NRG3: variants seen among roughly 807,000 people sequenced by gnomAD.
NRG3 encodes neuregulin 3.
Under a neutral mutation model 66.9 loss-of-function variants are expected in NRG3, and 31 were observed. The ratio of observed to expected loss-of-function variants is 0.46; its 90% CI spans 0.35 to 0.63. The LOEUF is 0.63. NRG3 is among the 20% of genes least tolerant of loss of function. The pLI, the probability that NRG3 is intolerant of heterozygous loss-of-function variation, is 0.00. For missense variants in NRG3, 910 were observed against 878.9 expected (o/e 1.04, Z -0.45); for synonymous variants, 393 against 359.4 (o/e 1.09, Z -1.06).
chr10:82,761,900 G>A (rs190044771), intron 3 of NRG3, among the ~76,000 whole-genome samples: 13 of 130,080 alleles, frequency 1.0e-4, no homozygotes, highest in South Asian at 5.2e-4. Flanking sequence ...TCTTCCTTCC[G>A]TTCTTTCTTC....
chr10:82,769,543 C>T (rs971650599), intron 3 of NRG3, among the ~76,000 whole-genome samples: 2 of 151,864 alleles, frequency 1.3e-5, no homozygotes, highest in African/African-American at 2.4e-5. Context: ...AAGAGTAAAG[C>T]AGTTCTTATC....
chr10:82,613,619 T>G (rs1331959316), intron 2 of NRG3, among the ~76,000 whole-genome samples: 1 of 151,854 alleles, frequency 6.6e-6, no homozygotes, highest in Non-Finnish European at 1.5e-5. Flanking sequence ...CCCAAATAGA[T>G]ACAGTTGTGA....
intron 1 of NRG3, among the ~76,000 whole-genome samples, chr10:81,973,198 G>T (rs1452897087): frequency 2.0e-5 from 3 of 152,098 alleles, no homozygotes; most frequent in Non-Finnish European, 4.4e-5. Context: ...GCTAAAGATA[G>T]TGGCCTCCAG....
At chr10:81,981,101 C>T (rs1171859566) in intron 1 of NRG3, among the ~76,000 whole-genome samples, 1 of 152,154 alleles carries the variant, frequency 6.6e-6, no homozygotes, top group Non-Finnish European at 1.5e-5. Context: ...AAAATACATT[C>T]ACCCTAATCC....
intron 2 of NRG3, among the ~76,000 whole-genome samples, chr10:82,543,527 T>C (rs916774576): frequency 2.0e-5 from 3 of 152,142 alleles, no homozygotes; most frequent in Non-Finnish European, 4.4e-5. Context: ...AATCAGAAAC[T>C]TTTTTTGAAC....
chr10:82,383,092 G>C (rs2085730468), intron 2 of NRG3, among the ~76,000 whole-genome samples: 1 of 151,888 alleles, frequency 6.6e-6, no homozygotes, highest in Non-Finnish European at 1.5e-5. Context: ...CTGGCAATTT[G>C]TGTAACACTG....
chr10:82,912,533 C>A (rs1845419249), intron 4 of NRG3, among the ~76,000 whole-genome samples: 1 of 152,088 alleles, frequency 6.6e-6, no homozygotes, highest in South Asian at 2.1e-4. Flanking sequence ...ATTTATGGCA[C>A]CCACGCCATT....
chr10:81,876,063 C>G lies in NRG3; in HGVS notation c.723C>G (p.Ser241=). 1 of 1,613,952 alleles carries G rather than the reference C, an allele frequency of 6.2e-7. No individual in the cohort carries two copies. Among genetic ancestry groups the G allele is most frequent in the Non-Finnish European group, 8.5e-7 (1 of 1,180,026 alleles). The change falls in exon 1 of 9, where the codon TCC becomes TCG. Residue 241 remains serine (S), a synonymous_variant. Coordinates refer to ENST00000372141, the MANE Select transcript of NRG3 (RefSeq NM_001010848.4). The part of the protein sequence containing the change: ...TSSYLHDSTP[S]WTLSPFQDAA... Reference sequence around the variant, plus strand: ...CCTACCTTCACGATTCTACTCCCTCCTGGACCCTGTCTCCCTTTCAGGATG... The same window carrying G: ...CCTACCTTCACGATTCTACTCCCTCGTGGACCCTGTCTCCCTTTCAGGATG...
chr10:82,082,413 A>C (rs141304551), intron 1 of NRG3, among the ~76,000 whole-genome samples: 6 of 152,232 alleles, frequency 3.9e-5, no homozygotes, highest in African/African-American at 1.4e-4. Flanking sequence ...GGTGTAGTCA[A>C]TTGCCAGCTA....
chr10:82,035,572 C>G (rs1027277021), intron 1 of NRG3, among the ~76,000 whole-genome samples: 2 of 151,972 alleles, frequency 1.3e-5, no homozygotes, highest in African/African-American at 2.4e-5. Context: ...CATTACTATT[C>G]TTTCTGAAAA....
At chr10:82,567,064 C>T (rs539018011) in intron 2 of NRG3, among the ~76,000 whole-genome samples, 1 of 151,954 alleles carries the variant, frequency 6.6e-6, no homozygotes, top group Non-Finnish European at 1.5e-5. Context: ...ACCATCTAAA[C>T]CCACAGGTTC....
intron 2 of NRG3, among the ~76,000 whole-genome samples, chr10:82,649,813 A>AGGG (rs1197323489): frequency 6.6e-6 from 1 of 152,038 alleles, no homozygotes; most frequent in Non-Finnish European, 1.5e-5. Flanking sequence ...AACTGCTAGA[A>AGGG]GCTATGCTAA....
chr10:82,062,731 A>T (rs953832154), intron 1 of NRG3, among the ~76,000 whole-genome samples: 1 of 152,154 alleles, frequency 6.6e-6, no homozygotes, highest in Non-Finnish European at 1.5e-5. Context: ...TGATGATGCT[A>T]CTGGGGAAAA....
intron 1 of NRG3, among the ~76,000 whole-genome samples, chr10:81,997,281 A>C (rs975874650): frequency 6.6e-6 from 1 of 152,166 alleles, no homozygotes; most frequent in Non-Finnish European, 1.5e-5. Context: ...AGCTAAGTCA[A>C]GCCCCTTGCC....
chr10:82,614,274 A>G (rs1485959370), intron 2 of NRG3, among the ~76,000 whole-genome samples: 1 of 152,144 alleles, frequency 6.6e-6, no homozygotes, highest in Non-Finnish European at 1.5e-5. Context: ...GCAAGTTTGA[A>G]AATTTTTATT....
rs528266302 is a variant in NRG3 at position 82,177,557 on chromosome 10, A to G, written c.824-181182A>G. On this transcript the variant is annotated intron_variant, in intron 1 of 8. Transcript: ENST00000372141. ...AAACCAGTGGAACTAAAAACTTTCA[A>G]GCCTAGAAAGTTTAGATTCTTAGAA... 7.2e-5 allele frequency among the ~76,000 whole-genome samples: 11 copies of G among 152,266 alleles called. No individual in the cohort carries two copies. In the South Asian group the frequency reaches 2.1e-3, roughly 29 times the overall value.
intron 1 of NRG3, among the ~76,000 whole-genome samples, chr10:82,233,597 C>T (rs1177292631): frequency 6.6e-6 from 1 of 152,058 alleles, no homozygotes; most frequent in Admixed American, 6.6e-5. Context: ...AATGACTTGC[C>T]TGAGATTCAC....
At chr10:82,177,399 G>A (rs183135234) in intron 1 of NRG3, among the ~76,000 whole-genome samples, 1 of 151,986 alleles carries the variant, frequency 6.6e-6, no homozygotes, top group African/African-American at 2.4e-5. Flanking sequence ...AAAAGAAAAG[G>A]TTACTTTGTA....
At chr10:82,656,308 C>CTTTTTTTTTTTTTTT (rs3040205) in intron 2 of NRG3, among the ~76,000 whole-genome samples, 12 of 132,000 alleles carry the variant, frequency 9.1e-5, no homozygotes, top group Admixed American at 1.6e-4. Context: ...TTTCTTTTTT[C>CTTTTTTTTTTTTTTT]TTTTTTTTTT....
Sources: allele counts gnomAD v4.1 joint callset (sites outside exome capture counted in the v4.1 genomes callset), GRCh38; gene constraint gnomAD v4.1.1; transcripts MANE v1.5; gene names NCBI Gene and HGNC (gene_info 2026-07-23, HGNC 2026-07-21).